The following CSMD1 variants were observed in gnomAD, a reference collection of about 807,000 sequenced individuals.
CSMD1 encodes CUB and Sushi multiple domains 1, also known as CUB and sushi domain-containing protein 1.
A neutral mutation model predicts 417.5 loss-of-function variants in CSMD1; 213 were observed. The observed-to-expected ratio is 0.51, with a 90% CI of 0.46 to 0.57. The LOEUF (loss-of-function observed/expected upper bound fraction) is 0.57, where lower values mean the gene tolerates loss of function less well. Among genes scored for constraint, CSMD1 ranks in the 20% least tolerant of loss-of-function variants. The probability of loss-of-function intolerance (pLI) is 0.00; values close to 1 mark genes in which losing one functional copy is unlikely to be tolerated. For synonymous variants in CSMD1, 2,862 were observed against 1,736.8 expected (o/e 1.65, Z -16.11); for missense variants, 6,923 against 4,529.7 (o/e 1.53, Z -15.17).
chr8:3,596,527 A>G (rs1348262760), intron 8 of CSMD1, among the ~76,000 whole-genome samples: 1 of 152,148 alleles, frequency 6.6e-6, no homozygotes, highest in East Asian at 1.9e-4. Context: ...TAACTTGGGA[A>G]CTTATCACTT....
chr8:4,683,685 T>G (rs991024468), intron 1 of CSMD1, among the ~76,000 whole-genome samples: 1 of 152,226 alleles, frequency 6.6e-6, no homozygotes, highest in African/African-American at 2.4e-5. Context: ...CCAGTGGCTC[T>G]GTTTCCTTGG....
chr8:4,472,875 C>T (rs1051225085), intron 2 of CSMD1, among the ~76,000 whole-genome samples: 1 of 151,852 alleles, frequency 6.6e-6, no homozygotes, highest in Non-Finnish European at 1.5e-5. Context: ...TAGTTATTCA[C>T]TTTTAGAAAA....
rs1804218471 is a variant in CSMD1, at chr8:4,266,261, T to C, written c.415+153692A>G. 1.9e-5 allele frequency among the ~76,000 whole-genome samples: 2 copies of C among 105,470 alleles called. 1 individual carries two copies. The highest frequency in any genetic ancestry group is 5.1e-5 in the Non-Finnish European group (2 of 39,296). The allele number at this position is 105,470 out of a possible 152,430, so 69.2% of individuals were successfully genotyped here. On this transcript the variant is annotated intron_variant, in intron 3 of 69. Transcript: ENST00000635120. ...CCATACAACTCATTTAAAAATTTAA[T>C]ACCAAAGAAAATTTTATAAATTTTT...
chr8:4,332,976 G>C (rs550324961), intron 3 of CSMD1, among the ~76,000 whole-genome samples: 1 of 147,228 alleles, frequency 6.8e-6, no homozygotes, highest in Non-Finnish European at 1.5e-5. Flanking sequence ...TCTGCCTTCA[G>C]TTTTGAGGTA....
intron 1 of CSMD1, among the ~76,000 whole-genome samples, chr8:4,678,090 T>A (rs1805807227): frequency 6.6e-6 from 1 of 152,144 alleles, no homozygotes; most frequent in East Asian, 1.9e-4. Context: ...AGGAACTCTC[T>A]TATCAAGCTG....
At chr8:3,578,771 C>G (rs1179821988) in intron 9 of CSMD1, among the ~76,000 whole-genome samples, 3 of 152,158 alleles carry the variant, frequency 2.0e-5, no homozygotes, top group South Asian at 2.1e-4. Context: ...TCCCTGGAGG[C>G]AGGGAAACTT....
intron 8 of CSMD1, among the ~76,000 whole-genome samples, chr8:3,612,763 G>C (rs1329411489): frequency 1.3e-5 from 2 of 152,056 alleles, no homozygotes; most frequent in Admixed American, 1.3e-4. Context: ...AAATTGAAGA[G>C]ATGCAGCCAA....
intron 54 of CSMD1, among the ~76,000 whole-genome samples, chr8:2,994,062 C>T (rs1337874438): frequency 7.3e-6 from 1 of 137,376 alleles, no homozygotes; most frequent in African/African-American, 2.7e-5. Context: ...AGGAGATTCA[C>T]TTGAACCCTG....
chr8:3,900,120 G>A (rs1487638130), intron 5 of CSMD1, among the ~76,000 whole-genome samples: 3 of 152,126 alleles, frequency 2.0e-5, no homozygotes, highest in South Asian at 4.1e-4. Context: ...CACTGTAGCT[G>A]GGTGACACTG....
chr8:3,382,612 AATAAAT>A (rs997576883), intron 18 of CSMD1, among the ~76,000 whole-genome samples: 12 of 146,454 alleles, frequency 8.2e-5, no homozygotes, highest in South Asian at 4.2e-4. Context: ...AATATATAAT[AATAAAT>A]ATAAATATAA....
At chr8:4,303,189 G>A (rs1294773160) in intron 3 of CSMD1, among the ~76,000 whole-genome samples, 3 of 152,038 alleles carry the variant, frequency 2.0e-5, no homozygotes, top group Non-Finnish European at 4.4e-5. Context: ...TTGTGGGCTT[G>A]CAACTGAGAA....
intron 1 of CSMD1, among the ~76,000 whole-genome samples, chr8:4,750,255 C>T (rs542902369): frequency 7.2e-5 from 11 of 152,268 alleles, no homozygotes; most frequent in African/African-American, 2.6e-4. Context: ...GATCCGCCCG[C>T]CTCGGCCTCC....
intron 26 of CSMD1, among the ~76,000 whole-genome samples, chr8:3,282,719 AAACCAGAGGTAAGAAATTGTGCAGACTAT>A (rs1272273058): frequency 7.2e-5 from 11 of 152,172 alleles, no homozygotes; most frequent in Non-Finnish European, 2.9e-5. Flanking sequence ...GAGCACAGTG[AAACCAGAGGTAAGAAATTGTGCAGACTAT>A]AACCAGAGGT....
At position 4,393,211 on chromosome 8, in the gene CSMD1, A is replaced by T. The variant is rs186974795; in HGVS notation, c.415+26742T>A. ...GGATGGTCTCAAACTCCTCAGCTAA[A>T]TTGATCTACCCACATCAGCCTCCCA... On this transcript the variant is annotated intron_variant, in intron 3 of 69. Coordinates refer to ENST00000635120, the MANE Select transcript of CSMD1 (RefSeq NM_033225.6). 1.5e-3 allele frequency among the ~76,000 whole-genome samples: 229 copies of T among 152,218 alleles called. 1 individual carries two copies. Among genetic ancestry groups the T allele is most frequent in the Middle Eastern group, 0.014 (4 of 294 alleles).
At chr8:3,700,324 AC>A (rs1800785157) in intron 7 of CSMD1, among the ~76,000 whole-genome samples, 1 of 152,204 alleles carries the variant, frequency 6.6e-6, no homozygotes, top group Non-Finnish European at 1.5e-5. Flanking sequence ...TTTATATTCT[AC>A]TGGGAGATGT....
intron 1 of CSMD1, among the ~76,000 whole-genome samples, chr8:4,835,995 C>T (rs1236973017): frequency 1.3e-5 from 2 of 151,986 alleles, no homozygotes; most frequent in South Asian, 2.1e-4. Context: ...AAATATCCTA[C>T]CAGATTCTAA....
At chr8:3,572,844 C>G (rs1800000305) in intron 10 of CSMD1, among the ~76,000 whole-genome samples, 2 of 152,140 alleles carry the variant, frequency 1.3e-5, no homozygotes, top group Non-Finnish European at 2.9e-5. Flanking sequence ...AATTGTTCAG[C>G]TATTTCCTCT....
intron 4 of CSMD1, among the ~76,000 whole-genome samples, chr8:4,025,429 T>C (rs566411646): frequency 6.6e-6 from 1 of 152,230 alleles, no homozygotes; most frequent in African/African-American, 2.4e-5. Flanking sequence ...TATTATTTAA[T>C]AATTTATGAA....
At chr8:4,319,540 C>T (rs573959074) in intron 3 of CSMD1, among the ~76,000 whole-genome samples, 1 of 152,104 alleles carries the variant, frequency 6.6e-6, no homozygotes, top group African/African-American at 2.4e-5. Context: ...CAAACAAAGT[C>T]ACAGAAATAA....
Sources: allele counts gnomAD v4.1 joint callset (sites outside exome capture counted in the v4.1 genomes callset), GRCh38; gene constraint gnomAD v4.1.1; transcripts MANE v1.5; gene names NCBI Gene and HGNC (gene_info 2026-07-23, HGNC 2026-07-21).